Variants in FBN1 observed in about 807,000 individuals in gnomAD.
FBN1 encodes fibrillin-1.
In FBN1, 29 loss-of-function variants were observed where a neutral mutation model predicts 365.1. The observed-to-expected ratio is 0.08, with a 90% CI of 0.06 to 0.11. The LOEUF (loss-of-function observed/expected upper bound fraction) is 0.11. FBN1 is among the 10% of genes least tolerant of loss of function. FBN1 has a pLI of 1.00. For synonymous variants in FBN1, 1,210 were observed against 1,270.5 expected, an observed-to-expected ratio of 0.95 and a Z score of 1.01; for missense variants, 2,476 against 3,703.2, an observed-to-expected ratio of 0.67 and a Z score of 8.60.
intron 40 of FBN1, 139 bp downstream of exon 40, chr15:48,465,429 G>A (rs1453862185): frequency 1.1e-6 from 1 of 931,660 alleles, no homozygotes; most frequent in South Asian, 1.5e-5. Context: ...CCACATGTGA[G>A]ACATATCTAC....
At position 48,588,621 on chromosome 15, in the gene FBN1, C is replaced by T. The variant is rs146922564; in HGVS notation, c.538+7662G>A. On this transcript the variant is annotated intron_variant, in intron 6 of 65. Transcript: ENST00000316623. ...TGTTAGAATCAAAATTTCAATTGAACCACCAAGGGAACAGATGCCACATTC... is the reference window on the plus strand; with the variant it reads ...TGTTAGAATCAAAATTTCAATTGAATCACCAAGGGAACAGATGCCACATTC... 6.6e-3 allele frequency among the ~76,000 whole-genome samples: 1,003 copies of T among 152,282 alleles called. 12 individuals carry two copies. The highest frequency in any genetic ancestry group is 0.023 in the African/African-American group (968 of 41,548).
rs2042897958 is a variant in FBN1, at chr15:48,415,669, C to T, written c.7918G>A (p.Glu2640Lys). The T allele has an allele frequency of 6.2e-7, 1 of 1,614,222 alleles. No homozygotes were observed. Among genetic ancestry groups the T allele is most frequent in the Non-Finnish European group, 8.5e-7 (1 of 1,180,042 alleles). The change falls in exon 64 of 66, where the codon GAA (glutamate) becomes AAA (lysine). Residue 2640 changes from glutamate to lysine, a missense_variant. By Grantham distance (56) the Glu-to-Lys change is moderately conservative. Coordinates refer to ENST00000316623, the MANE Select transcript of FBN1 (RefSeq NM_000138.5). ...TCTTGGCATCCTCCACTGAACTGTTCATACTGGAAGCCGGCGGGACACATG... is the reference window on the plus strand; with the variant it reads ...TCTTGGCATCCTCCACTGAACTGTTTATACTGGAAGCCGGCGGGACACATG... Reference protein sequence around the residue: ...KCMCPAGFQYEQFSGGCQDIN... With the variant: ...KCMCPAGFQYKQFSGGCQDIN...
chr15:48,484,659 C>A (rs1457585823), intron 30 of FBN1, among the ~76,000 whole-genome samples: 1 of 152,326 alleles, frequency 6.6e-6, no homozygotes, highest in Admixed American at 6.5e-5. Flanking sequence ...GTGTAAGCCA[C>A]CGTGCCTGGC....
chr15:48,624,847 G>C (rs892731937), intron 2 of FBN1, among the ~76,000 whole-genome samples: 1 of 152,240 alleles, frequency 6.6e-6, no homozygotes, highest in Non-Finnish European at 1.5e-5. Context: ...GAGAGAGGCC[G>C]GCCAGAGGCG....
chr15:48,564,047 C>T (rs1270439357), intron 6 of FBN1, among the ~76,000 whole-genome samples: 1 of 152,154 alleles, frequency 6.6e-6, no homozygotes, highest in African/African-American at 2.4e-5. Context: ...TCTTTCCAAG[C>T]ATCTGGATCC....
chr15:48,633,328 T>C (rs1334397773), intron 2 of FBN1, among the ~76,000 whole-genome samples: 1 of 152,222 alleles, frequency 6.6e-6, no homozygotes, highest in Non-Finnish European at 1.5e-5. Flanking sequence ...ACTCTTAATG[T>C]ATAGTTTGGA....
In FBN1 at chr15:48,618,874, G is replaced by C. The variant is rs186664978; in HGVS notation, c.165-5782C>G. Among the ~76,000 whole-genome samples, 340 of 152,244 alleles carry C rather than the reference G, an allele frequency of 2.2e-3. 1 individual carries two copies. Among genetic ancestry groups the C allele is most frequent in the African/African-American group, 7.8e-3 (326 of 41,536 alleles). ...GATCTAGGTTGCCCACTCCTTATGA[G>C]AATCTAATGACTGATGATCTGTCAC... On this transcript the variant is annotated intron_variant, in intron 2 of 65. Transcript: ENST00000316623.
At chr15:48,511,748 AAAG>A (rs1196921487) in intron 13 of FBN1, among the ~76,000 whole-genome samples, 1 of 152,212 alleles carries the variant, frequency 6.6e-6, no homozygotes, top group East Asian at 1.9e-4. Context: ...GCTAGCTCTT[AAAG>A]AAGGCAGTGC....
In FBN1 at chr15:48,510,111, T is replaced by A. The variant is rs2043746264; in HGVS notation, c.1647A>T (p.Thr549=). Residue 549 remains threonine, a synonymous_variant, in exon 14 of 66, where the codon ACA becomes ACT. Transcript: ENST00000316623. ...RICNNGRCIN[T]DGSFHCVCNA... ...TACACACGCAATGAAAACTGCCATC[T>A]GTGTTGATGCAGCGTCCATTATTGC... is the stretch of plus-strand genomic sequence containing the variant. The A allele has an allele frequency of 6.2e-7, 1 of 1,613,366 alleles. No individual in the cohort carries two copies. Among genetic ancestry groups the A allele is most frequent in the Admixed American group, 1.7e-5 (1 of 59,950 alleles).
chr15:48,468,136 C>T, intron 37 of FBN1, 34 bp from the exon 38 acceptor site: 7 of 1,612,816 alleles, frequency 4.3e-6, no homozygotes, highest in African/African-American at 1.3e-5. Context: ...AAGCATCAGG[C>T]AGAATCTTTC....
chr15:48,580,879 C>T (rs746341408), intron 6 of FBN1, among the ~76,000 whole-genome samples: 1 of 152,024 alleles, frequency 6.6e-6, no homozygotes, highest in Non-Finnish European at 1.5e-5. Context: ...TCAAGTATAG[C>T]GAGCCAGAGG....
chr15:48,576,651 GTTCA>G (rs1034541659), intron 6 of FBN1, among the ~76,000 whole-genome samples: 1 of 152,108 alleles, frequency 6.6e-6, no homozygotes. Context: ...TGATGCACTC[GTTCA>G]TTCATTCATT....
chr15:48,601,703 T>C (rs1359644385), intron 4 of FBN1, among the ~76,000 whole-genome samples: 1 of 152,200 alleles, frequency 6.6e-6, no homozygotes, highest in Non-Finnish European at 1.5e-5. Flanking sequence ...GGACAATTTT[T>C]ATAAGGAGCT....
chr15:48,631,340 C>T (rs1296712948), intron 2 of FBN1, among the ~76,000 whole-genome samples: 1 of 152,188 alleles, frequency 6.6e-6, no homozygotes, highest in Non-Finnish European at 1.5e-5. Flanking sequence ...CAGGGGCTGC[C>T]AATCTGAGTC....
chr15:48,528,167 A>G (rs759557731), intron 8 of FBN1, among the ~76,000 whole-genome samples: 1 of 152,260 alleles, frequency 6.6e-6, no homozygotes, highest in Non-Finnish European at 1.5e-5. Flanking sequence ...CAACCCATTA[A>G]TATAAATGAC....
At chr15:48,453,833 T>TAAAA (rs879610015) in intron 44 of FBN1, among the ~76,000 whole-genome samples, 1 of 147,058 alleles carries the variant, frequency 6.8e-6, no homozygotes, top group East Asian at 2.0e-4. Flanking sequence ...TAAAGTCTAT[T>TAAAA]AAAAAAAAAA....
chr15:48,583,147 T>C (rs1016547666), intron 6 of FBN1, among the ~76,000 whole-genome samples: 11 of 152,220 alleles, frequency 7.2e-5, no homozygotes, highest in African/African-American at 2.7e-4. Flanking sequence ...TGTGTTTCAT[T>C]CATTATTATA....
chr15:48,463,583 G>A (rs1278581143), intron 41 of FBN1, among the ~76,000 whole-genome samples: 1 of 152,202 alleles, frequency 6.6e-6, no homozygotes, highest in East Asian at 1.9e-4. Flanking sequence ...GACTCGTGAT[G>A]TTTTAATACT....
intron 6 of FBN1, among the ~76,000 whole-genome samples, chr15:48,539,028 C>G (rs1473477059): frequency 6.6e-6 from 1 of 152,200 alleles, no homozygotes; most frequent in African/African-American, 2.4e-5. Flanking sequence ...CTTTTCATTA[C>G]AGTACCAGCA....
Sources: allele counts gnomAD v4.1 joint callset (sites outside exome capture counted in the v4.1 genomes callset), GRCh38; gene constraint gnomAD v4.1.1; transcripts MANE v1.5; gene names NCBI Gene and HGNC (gene_info 2026-07-23, HGNC 2026-07-21).